Variants in GOLGA1 observed in about 807,000 individuals in gnomAD.
The protein encoded by GOLGA1 is golgin subfamily A member 1.
In GOLGA1, 63 loss-of-function variants were observed where a neutral mutation model predicts 119.7. The observed-to-expected ratio is 0.53, with a 90% CI of 0.43 to 0.65. The LOEUF (loss-of-function observed/expected upper bound fraction) is 0.65, where lower values mean the gene tolerates loss of function less well. Among genes scored for constraint, GOLGA1 ranks in the 30% least tolerant of loss-of-function variants. GOLGA1 has a pLI of 0.00. For synonymous variants in GOLGA1, 318 were observed against 333.4 expected, an observed-to-expected ratio of 0.95 and a Z score of 0.50; for missense variants, 798 against 912.8, an observed-to-expected ratio of 0.87 and a Z score of 1.62.
chr9:124,929,071 T>C (rs1357344272), intron 5 of GOLGA1, 145 bp downstream of exon 5: 13 of 637,338 alleles, frequency 2.0e-5, no homozygotes, highest in Non-Finnish European at 3.7e-5. Flanking sequence ...ATCATCCAAA[T>C]GTTATATCAA....
chr9:124,890,082 TG>T (rs542029760), intron 16 of GOLGA1, among the ~76,000 whole-genome samples: 239 of 152,220 alleles, frequency 1.6e-3, no homozygotes, highest in Non-Finnish European at 2.7e-3. Flanking sequence ...CTGGGGCAGG[TG>T]GGCAATGATA....
chr9:124,937,556 G>A (rs1023191265), intron 3 of GOLGA1, among the ~76,000 whole-genome samples: 4 of 151,010 alleles, frequency 2.6e-5, no homozygotes, highest in African/African-American at 7.3e-5. Flanking sequence ...GCTTGAACCC[G>A]GGAGGTGGAG....
At chr9:124,922,799 A>G (rs1187054793) in intron 8 of GOLGA1, among the ~76,000 whole-genome samples, 1 of 152,044 alleles carries the variant, frequency 6.6e-6, no homozygotes, top group Non-Finnish European at 1.5e-5. Flanking sequence ...ATGTGGACCA[A>G]TAGCCAAATT....
At chr9:124,912,422 C>G (rs533470433) in intron 10 of GOLGA1, among the ~76,000 whole-genome samples, 1 of 152,224 alleles carries the variant, frequency 6.6e-6, no homozygotes, top group Admixed American at 6.5e-5. Flanking sequence ...GGCTTTAAGG[C>G]TAAAGAGAGA....
At chr9:124,919,941 TATTTA>T (rs1159438303) in intron 10 of GOLGA1, among the ~76,000 whole-genome samples, 1 of 151,040 alleles carries the variant, frequency 6.6e-6, no homozygotes, top group Non-Finnish European at 1.5e-5. Flanking sequence ...TATTTATATT[TATTTA>T]TTTATTTATT....
chr9:124,883,050 G>A (rs917566594), intron 19 of GOLGA1, among the ~76,000 whole-genome samples: 2 of 152,080 alleles, frequency 1.3e-5, no homozygotes, highest in African/African-American at 4.8e-5. Context: ...AAAGATCATG[G>A]TTTTTCTGCA....
intron 12 of GOLGA1, among the ~76,000 whole-genome samples, chr9:124,902,369 C>G (rs1278725824): frequency 1.3e-5 from 2 of 151,710 alleles, no homozygotes; most frequent in Non-Finnish European, 2.9e-5. Flanking sequence ...GCCTTGGCCT[C>G]CCAAAGTGCT....
At chr9:124,924,851 A>C (rs1219362728) in intron 7 of GOLGA1, among the ~76,000 whole-genome samples, 1 of 151,400 alleles carries the variant, frequency 6.6e-6, no homozygotes, top group Non-Finnish European at 1.5e-5. Context: ...AGGCCGAGGC[A>C]GACAGATCAC....
At chr9:124,898,773 A>G (rs991213514) in intron 14 of GOLGA1, 129 bp from the exon 15 acceptor site, 2 of 629,932 alleles carry the variant, frequency 3.2e-6, no homozygotes, top group African/African-American at 3.7e-5. Context: ...GGGAAGAAGC[A>G]GAGGGGACTG....
At chr9:124,935,414 A>C (rs556826083) in intron 3 of GOLGA1, among the ~76,000 whole-genome samples, 1 of 152,330 alleles carries the variant, frequency 6.6e-6, no homozygotes, top group South Asian at 2.1e-4. Context: ...AAAAAGTTTA[A>C]GATTTTGGAG....
At position 124,903,488 on chromosome 9, in the gene GOLGA1, A is replaced by G. The variant is rs540067443; in HGVS notation, c.1066-2941T>C. Among the ~76,000 whole-genome samples the G allele has an allele frequency of 2.0e-5, 3 of 151,770 alleles. No homozygotes were observed. The South Asian group carries it at 6.2e-4, about 31-fold the overall frequency. Reference sequence around the variant, plus strand: ...GCGAGATTTTGTCTAAAAAAAAAAAAGCTATGCCTTTGCCTCCCTAAGTAC... The same window carrying G: ...GCGAGATTTTGTCTAAAAAAAAAAAGGCTATGCCTTTGCCTCCCTAAGTAC... On this transcript the variant is annotated intron_variant, in intron 12 of 22. Coordinates refer to ENST00000373555, the MANE Select transcript of GOLGA1 (RefSeq NM_002077.4).
At chr9:124,899,618 C>T in intron 13 of GOLGA1, 140 bp from the exon 14 acceptor site, 1 of 817,302 alleles carries the variant, frequency 1.2e-6, no homozygotes. Context: ...TTGCTGAGGT[C>T]CCCCCTGCAG....
rs1564322084 is a variant in GOLGA1 at position 124,888,114 on chromosome 9, G to A, written c.1905+139C>T. 1.3e-6 allele frequency: 1 copy of A among 747,440 alleles called. No homozygotes were observed. The highest frequency in any genetic ancestry group is 1.7e-5 in the African/African-American group (1 of 57,952). 46.3% of individuals were successfully genotyped at this position (747,440 alleles called of 1,614,324 possible). ...GGAGGAACGGAAGATCAGGAGGAAG[G>A]CCTTTGGGTGAGAGGGGTCATGGTT... On this transcript the variant is annotated intron_variant, in intron 19 of 22. Transcript: ENST00000373555. The surrounding 1 kb of genome is among the most constrained non-coding windows in gnomAD (Gnocchi z 4.4).
At position 124,888,172 on chromosome 9, in the gene GOLGA1, C is replaced by G; in HGVS notation, c.1905+81G>C. ...GGTGCGGGGGAAACCACAAAAACCT[C>G]CAAGGATGGACTGGGTCATTTTAGG... On this transcript the variant is annotated intron_variant, in intron 19 of 22. Transcript: ENST00000373555. This position sits in a 1 kb window ranked among gnomAD's most constrained non-coding sequence, Gnocchi z 4.4. 1 of 1,384,404 alleles carries G rather than the reference C, an allele frequency of 7.2e-7. No homozygotes were observed. The highest frequency in any genetic ancestry group is 1.0e-6 in the Non-Finnish European group (1 of 980,230). 85.8% of individuals were successfully genotyped at this position (1,384,404 alleles called of 1,614,324 possible).
chr9:124,890,246 G>A (rs923014424), intron 16 of GOLGA1, 143 bp downstream of exon 16: 23 of 632,758 alleles, frequency 3.6e-5, no homozygotes, highest in South Asian at 1.1e-4. Flanking sequence ...AGGGGCCCAC[G>A]CAGCTGACTG....
intron 12 of GOLGA1, among the ~76,000 whole-genome samples, chr9:124,904,793 A>G (rs1030687223): frequency 6.6e-6 from 1 of 152,010 alleles, no homozygotes; most frequent in African/African-American, 2.4e-5. Context: ...TACAAAAATT[A>G]GCTGGGCATG....
Position 124,890,413 on chromosome 9 carries a change from C to A in GOLGA1, c.1473G>T (p.Lys491Asn). The change falls in exon 16 of 23, where the codon AAG (lysine) becomes AAT (asparagine). Residue 491 changes from lysine to asparagine, a missense_variant. Physicochemically the swap from Lys to Asn is moderately conservative, Grantham distance 94. Coordinates refer to ENST00000373555, the MANE Select transcript of GOLGA1 (RefSeq NM_002077.4). ...AMAQALEEVR[K>N]QREEFQQQAA... ...CCTGTTGCTGGAACTCTTCCCTTTG[C>A]TTCCGCACCTCCTCCAGGGCTTGAG... is the stretch of plus-strand genomic sequence containing the variant. The A allele has an allele frequency of 6.2e-7, 1 of 1,613,410 alleles. No homozygotes were observed. The highest frequency in any genetic ancestry group is 1.1e-5 in the South Asian group (1 of 91,056).
chr9:124,934,373 A>G (rs983615801), intron 3 of GOLGA1, among the ~76,000 whole-genome samples: 7 of 152,304 alleles, frequency 4.6e-5, no homozygotes, highest in Admixed American at 1.3e-4. Context: ...GGGGGCTGCC[A>G]GAGGAGAAGG....
At chr9:124,940,624 G>A (rs987952871) in intron 1 of GOLGA1, among the ~76,000 whole-genome samples, 1 of 152,218 alleles carries the variant, frequency 6.6e-6, no homozygotes, top group East Asian at 1.9e-4. Context: ...GCCTGCCACG[G>A]CAGTTTGGAT....
Sources: allele counts gnomAD v4.1 joint callset (sites outside exome capture counted in the v4.1 genomes callset), GRCh38; gene constraint gnomAD v4.1.1; non-coding constraint Gnocchi (gnomAD v3.1); transcripts MANE v1.5; gene names NCBI Gene and HGNC (gene_info 2026-07-23, HGNC 2026-07-21).